The following BFSP1 variants were observed in gnomAD, a reference collection of about 807,000 sequenced individuals.
The protein encoded by BFSP1 is filensin.
BFSP1 carries 38 observed loss-of-function variants against 43.9 expected under a neutral mutation model. The observed-to-expected ratio is 0.87, with a 90% CI of 0.67 to 1.14. The LOEUF is 1.14. BFSP1 is among the 50% of genes most tolerant of loss of function. The probability of loss-of-function intolerance (pLI) is 0.00; values close to 1 mark genes in which losing one functional copy is unlikely to be tolerated. For missense variants in BFSP1, 850 were observed against 875.1 expected, an observed-to-expected ratio of 0.97 and a Z score of 0.36; for synonymous variants, 352 against 354.8, an observed-to-expected ratio of 0.99 and a Z score of 0.09.
At chr20:17,538,132 AAAAG>A (rs200706841) in intron 1 of BFSP1, among the ~76,000 whole-genome samples, 10 of 150,892 alleles carry the variant, frequency 6.6e-5, no homozygotes, top group East Asian at 1.9e-4. Flanking sequence ...AAAGAAAAAA[AAAAG>A]AAAGAGAGAA....
chr20:17,551,127 T>TG (rs781342786), intron 1 of BFSP1, among the ~76,000 whole-genome samples: 4 of 152,188 alleles, frequency 2.6e-5, no homozygotes, highest in Non-Finnish European at 5.9e-5. Flanking sequence ...AGGCCATACT[T>TG]GCATTGCTAT....
At chr20:17,553,848 TAC>T (rs386393435) in intron 1 of BFSP1, among the ~76,000 whole-genome samples, 1,905 of 90,330 alleles carry the variant, frequency 0.021, 90 homozygotes, top group African/African-American at 0.11. Context: ...CACATATATA[TAC>T]ATATATATAC....
At chr20:17,527,941 T>C (rs1265608570) in intron 1 of BFSP1, among the ~76,000 whole-genome samples, 2 of 152,356 alleles carry the variant, frequency 1.3e-5, no homozygotes, top group East Asian at 1.9e-4. Flanking sequence ...TCTTGTTTTA[T>C]TCAGTGTTTT....
intron 5 of BFSP1, among the ~76,000 whole-genome samples, chr20:17,499,309 T>A (rs528172330): frequency 6.7e-6 from 1 of 149,230 alleles, no homozygotes; most frequent in African/African-American, 2.5e-5. Context: ...AGGAGTGCAA[T>A]CTCGGCTCAC....
intron 3 of BFSP1, among the ~76,000 whole-genome samples, chr20:17,514,074 G>A (rs980070577): frequency 2.6e-5 from 4 of 152,236 alleles, no homozygotes; most frequent in African/African-American, 9.6e-5. Context: ...GGCAGTGGGA[G>A]GAGGCCAGAG....
intron 1 of BFSP1, among the ~76,000 whole-genome samples, chr20:17,539,736 A>G (rs1308662955): frequency 1.3e-5 from 2 of 152,108 alleles, no homozygotes; most frequent in African/African-American, 2.4e-5. Flanking sequence ...GCTGCACTCC[A>G]GCATGGGCCA....
chr20:17,538,792 G>A (rs1321806478), intron 1 of BFSP1, among the ~76,000 whole-genome samples: 1 of 152,160 alleles, frequency 6.6e-6, no homozygotes, highest in African/African-American at 2.4e-5. Context: ...TTGGAGAAGT[G>A]TCTTTTACAG....
chr20:17,553,776 C>CATATATATATATATAT (rs1204969085), intron 1 of BFSP1, among the ~76,000 whole-genome samples: 12 of 106,198 alleles, frequency 1.1e-4, no homozygotes, highest in African/African-American at 3.3e-4. Flanking sequence ...AATATATAAA[C>CATATATATATATATAT]ATATATATAT....
At position 17,494,666 on chromosome 20, in the gene BFSP1, C is replaced by T. The variant is rs781333440; in HGVS notation, c.1406G>A (p.Arg469Gln). The part of the protein sequence containing the change: ...ETPTELYTKE[R>Q]HVLVTGDANY... ...GGCATCCCCTGTGACCAGCACGTGC[C>T]GCTCTTTGGTGTAGAGCTCAGTGGG... Residue 469 changes from arginine to glutamine, a missense_variant, in exon 8 of 8, where the codon CGG (arginine) becomes CAG (glutamine). Arg to Gln is a conservative substitution (Grantham distance 43, BLOSUM62 1). Transcript: ENST00000377873. The T allele has an allele frequency of 6.2e-6, 10 of 1,614,148 alleles. No individual in the cohort carries two copies. Among genetic ancestry groups the T allele is most frequent in the East Asian group, 2.2e-5 (1 of 44,888 alleles).
chr20:17,529,882 A>C (rs1469416574), intron 1 of BFSP1, among the ~76,000 whole-genome samples: 1 of 152,218 alleles, frequency 6.6e-6, no homozygotes, highest in Non-Finnish European at 1.5e-5. Flanking sequence ...CCTATAATAC[A>C]TTCCTCAAAG....
At position 17,508,945 on chromosome 20, in the gene BFSP1, C is replaced by T; in HGVS notation, c.679G>A (p.Glu227Lys). ...AGGTGGGAGAGCACCTCCCGGCCCT[C>T]CTCCAGCTGACTCCGCAGGGCGGCC... ...EVAALRSQLE[E>K]GREVLSHLQA... Residue 227 changes from glutamate (E) to lysine (K), a missense_variant, in exon 5 of 8, where the codon GAG (glutamate) becomes AAG (lysine). Glu to Lys is a moderately conservative substitution (Grantham distance 56). Transcript: ENST00000377873. 4 of 1,605,382 alleles carry T rather than the reference C, an allele frequency of 2.5e-6. No individual in the cohort carries two copies. The highest frequency in any genetic ancestry group is 2.5e-6 in the Non-Finnish European group (3 of 1,176,640).
chr20:17,512,073 T>C lies in BFSP1; in HGVS notation c.535-5A>G. 6 of 1,591,644 alleles carry C rather than the reference T, an allele frequency of 3.8e-6. No homozygotes were observed. The highest frequency in any genetic ancestry group is 5.2e-6 in the Non-Finnish European group (6 of 1,159,814). ...GGTCTGAACTTCCAGAAGATTCTGT[T>C]GGGGGAGGGAAAACATTCTCATTAT... On this transcript the variant is annotated splice_region_variant and splice_polypyrimidine_tract_variant and intron_variant, in intron 3 of 7. Transcript: ENST00000377873.
intron 1 of BFSP1, among the ~76,000 whole-genome samples, chr20:17,529,704 A>G (rs899251710): frequency 7.9e-5 from 12 of 152,342 alleles, no homozygotes; most frequent in African/African-American, 2.9e-4. Flanking sequence ...TTCCAGGCTT[A>G]TTGCAGATCC....
At position 17,494,052 on chromosome 20, in the gene BFSP1, T is replaced by C. The variant is rs571230935; in HGVS notation, c.*22A>G. 3.2e-6 allele frequency: 5 copies of C among 1,581,436 alleles called. No individual in the cohort carries two copies. In the South Asian group the frequency reaches 5.8e-5, roughly 18 times the overall value. On this transcript the variant is annotated 3_prime_UTR_variant, in exon 8 of 8. Coordinates refer to ENST00000377873, the MANE Select transcript of BFSP1 (RefSeq NM_001195.5). ...CCCTACAGTGGCCCCAAATACATTT[T>C]ATCCCATCAAGCCTGGGCATTTTAA... is the stretch of plus-strand genomic sequence containing the variant.
intron 1 of BFSP1, among the ~76,000 whole-genome samples, chr20:17,568,393 G>C (rs996383829): frequency 6.6e-6 from 1 of 152,112 alleles, no homozygotes; most frequent in African/African-American, 2.4e-5. Flanking sequence ...TGAATATTAA[G>C]AAGTGTAAGG....
chr20:17,552,421 A>G (rs367976140), intron 1 of BFSP1, among the ~76,000 whole-genome samples: 1 of 152,324 alleles, frequency 6.6e-6, no homozygotes, highest in East Asian at 1.9e-4. Context: ...GACAGATCCC[A>G]CGGGATTTCT....
intron 5 of BFSP1, among the ~76,000 whole-genome samples, chr20:17,504,620 C>A (rs969772337): frequency 3.3e-5 from 5 of 152,158 alleles, no homozygotes; most frequent in Non-Finnish European, 7.4e-5. Flanking sequence ...AAGGAATGAG[C>A]AAAGGGGAGG....
At chr20:17,565,673 C>T (rs981591879) in intron 1 of BFSP1, 2 of 152,164 alleles carry the variant, frequency 1.3e-5, no homozygotes, top group African/African-American at 4.8e-5. Flanking sequence ...GTCCATACAG[C>T]AAACTGACAT....
chr20:17,558,988 G>A (rs1240304379), upstream of BFSP1: 1 of 335,394 alleles, frequency 3.0e-6, no homozygotes, highest in Non-Finnish European at 5.4e-6. Flanking sequence ...CTTAATGACT[G>A]GGCCTGAATT....
Sources: allele counts gnomAD v4.1 joint callset (sites outside exome capture counted in the v4.1 genomes callset), GRCh38; gene constraint gnomAD v4.1.1; transcripts MANE v1.5; gene names NCBI Gene and HGNC (gene_info 2026-07-23, HGNC 2026-07-21).